Variants in ADGRG1 observed in about 807,000 individuals in gnomAD.
ADGRG1 encodes the protein 7-transmembrane protein with no EGF-like N-terminal domains-1.
Under a neutral mutation model 73.5 loss-of-function variants are expected in ADGRG1, and 53 were observed. The ratio of observed to expected loss-of-function variants is 0.72; its 90% CI spans 0.58 to 0.91. The LOEUF is 0.91. Ranked by LOEUF, ADGRG1 falls within the 40% of genes least tolerant of loss-of-function variation. The pLI, the probability that ADGRG1 is intolerant of heterozygous loss-of-function variation, is 0.00. For synonymous variants in ADGRG1, 394 were observed against 374.4 expected, an observed-to-expected ratio of 1.05 and a Z score of -0.60; for missense variants, 795 against 871.8, an observed-to-expected ratio of 0.91 and a Z score of 1.11.
chr16:57,640,675 G>A (rs951061962), intron 1 of ADGRG1, among the ~76,000 whole-genome samples: 13 of 152,160 alleles, frequency 8.5e-5, no homozygotes, highest in African/African-American at 2.7e-4. Flanking sequence ...AGTCAGGCTC[G>A]GGCCCCCAGC....
chr16:57,648,334 G>A (rs1288262051), intron 1 of ADGRG1: 1 of 405,352 alleles, frequency 2.5e-6, no homozygotes, highest in Admixed American at 6.4e-5. Context: ...GAATCAAAAT[G>A]CTTACAAATC....
intron 13 of ADGRG1, among the ~76,000 whole-genome samples, chr16:57,662,233 C>T (rs8049441): frequency 1.1e-4 from 17 of 152,040 alleles, no homozygotes; most frequent in East Asian, 5.8e-4. Context: ...GGGAAGACTG[C>T]GCATGAGCAG....
chr16:57,628,088 C>T (rs1348901826), upstream of ADGRG1: 40 of 985,144 alleles, frequency 4.1e-5, no homozygotes, highest in East Asian at 1.1e-4. Flanking sequence ...GCAGGTCAGC[C>T]GGTCAGTCGT....
At chr16:57,653,796 A>G in intron 4 of ADGRG1, 190 bp from the exon 5 acceptor site, 1 of 984,506 alleles carries the variant, frequency 1.0e-6, no homozygotes, top group Non-Finnish European at 1.2e-6. Context: ...TCTCTCCCAC[A>G]CGCAGATGCC....
At chr16:57,632,749 G>A in intron 1 of ADGRG1, 3 of 982,294 alleles carry the variant, frequency 3.1e-6, no homozygotes. Context: ...GTTCCAGGCA[G>A]AGATAAAAGC....
At position 57,664,143 on chromosome 16, in the gene ADGRG1, G is replaced by A. The variant is rs541332294; in HGVS notation, c.*561G>A. ...TTTGCCAGGAGCACAGCAGCAGCTC[G>A]CCTACCTCTGAGCCCAGGCCCCCTC... On this transcript the variant is annotated 3_prime_UTR_variant, in exon 14 of 14. Transcript: ENST00000562631. 254 of 157,892 alleles carry A rather than the reference G, an allele frequency of 1.6e-3. 1 individual carries two copies. The highest frequency in any genetic ancestry group is 5.9e-3 in the African/African-American group (244 of 41,584). 9.8% of individuals were successfully genotyped at this position (157,892 alleles called of 1,614,324 possible).
chr16:57,657,278 C>T (rs1473963787), intron 9 of ADGRG1, 95 bp from the exon 10 acceptor site: 15 of 1,590,824 alleles, frequency 9.4e-6, no homozygotes, highest in African/African-American at 1.3e-5. Context: ...CTTCCGAGGC[C>T]CACCAGGGAC....
rs1160044151 is a variant in ADGRG1, at chr16:57,635,965, C to T, written c.-36+7163C>T. On this transcript the variant is annotated intron_variant, in intron 1 of 13. Transcript: ENST00000562631. ...TTGTACGTGGCTCCCTGCCCTGCCC[C>T]AGCTCTGCCTCGTGAGTCTCTGCAG... 4.1e-6 allele frequency: 4 copies of T among 985,280 alleles called. No individual in the cohort carries two copies. In the African/African-American group the frequency reaches 7.0e-5, roughly 17 times the overall value. 61.0% of individuals were successfully genotyped at this position (985,280 alleles called of 1,614,324 possible). A position where few individuals can be genotyped will look rare whatever the true frequency, so the allele number is the denominator to read the frequency against.
chr16:57,639,373 CCAACGGTTGCCAGGG>C lies in ADGRG1; in HGVS notation c.-36+10587_-36+10601del, dbSNP rs587777312. On this transcript the variant is annotated intron_variant, in intron 1 of 13. Coordinates refer to ENST00000562631, the MANE Select transcript of ADGRG1 (RefSeq NM_201525.4). ...GGGTGTGACGTAGTCCCTGCAGCTG[CCAACGGTTGCCAGGG>C]CAACGGTTGCCAGGGGCTGCTGTCA... 6.2e-5 allele frequency: 61 copies of C among 985,316 alleles called. No homozygotes were observed. The highest frequency in any genetic ancestry group is 1.1e-4 in the East Asian group (1 of 8,810). 61.0% of individuals were successfully genotyped at this position (985,316 alleles called of 1,614,324 possible). A position where few individuals can be genotyped will look rare whatever the true frequency, so the allele number is the denominator to read the frequency against.
chr16:57,646,973 C>T (rs2042809905), intron 1 of ADGRG1: 1 of 979,632 alleles, frequency 1.0e-6, no homozygotes, highest in Non-Finnish European at 1.2e-6. Context: ...GGCTGAGGCC[C>T]TGTAGCGCTG....
intron 1 of ADGRG1, chr16:57,637,549 G>A (rs376449055): frequency 5.1e-6 from 5 of 985,418 alleles, no homozygotes; most frequent in South Asian, 4.7e-5. Flanking sequence ...CGCCTTCTCC[G>A]GCCAGCAAGC....
Position 57,651,386 on chromosome 16 carries a change from C to G in ADGRG1, c.251C>G (p.Pro84Arg). 1 of 1,614,176 alleles carries G rather than the reference C, an allele frequency of 6.2e-7. No homozygotes were observed. Among genetic ancestry groups the G allele is most frequent in the Non-Finnish European group, 8.5e-7 (1 of 1,179,992 alleles). The change falls in exon 3 of 14, where the codon CCC (proline) becomes CGC (arginine). Residue 84 changes from proline (P) to arginine (R), a missense_variant. By Grantham distance (103) the Pro-to-Arg change is moderately radical. Transcript: ENST00000562631. Reference protein sequence around the residue: ...AHPASRSFPDPRGLYHFCLYW... With the variant: ...AHPASRSFPDRRGLYHFCLYW... ...CCTGCTTCCCGATCCTTCCCTGACCCCAGGGGCCTCTACCACTTCTGCCTC... is the reference window on the plus strand; with the variant it reads ...CCTGCTTCCCGATCCTTCCCTGACCGCAGGGGCCTCTACCACTTCTGCCTC...
At chr16:57,637,539 C>T (rs955666714) in intron 1 of ADGRG1, 28 of 985,296 alleles carry the variant, frequency 2.8e-5, no homozygotes, top group Admixed American at 6.1e-5. Flanking sequence ...CAACAGAGGC[C>T]GCCTTCTCCG....
At chr16:57,644,299 G>T in intron 1 of ADGRG1, 2 of 609,484 alleles carry the variant, frequency 3.3e-6, no homozygotes, top group Non-Finnish European at 4.1e-6. Flanking sequence ...TCATGCTCAG[G>T]CACACACTCA....
chr16:57,644,647 C>T (rs1330479954), intron 1 of ADGRG1, among the ~76,000 whole-genome samples: 2 of 147,096 alleles, frequency 1.4e-5, no homozygotes, highest in Non-Finnish European at 3.0e-5. Context: ...CATGCATGGG[C>T]ACGCACACTC....
intron 1 of ADGRG1, chr16:57,636,154 G>A: frequency 2.0e-6 from 2 of 985,352 alleles, no homozygotes; most frequent in Non-Finnish European, 2.4e-6. Flanking sequence ...ACTTTTCTTT[G>A]CACATCTGCT....
rs776291167 is a variant in ADGRG1 at position 57,655,911 on chromosome 16, C to G, written c.936C>G (p.Val312=). 2 of 1,614,164 alleles carry G rather than the reference C, an allele frequency of 1.2e-6. No homozygotes were observed. Among genetic ancestry groups the G allele is most frequent in the South Asian group, 2.2e-5 (2 of 91,086 alleles). The change falls in exon 7 of 14, where the codon GTC becomes GTG. Residue 312 remains valine, a synonymous_variant. Coordinates refer to ENST00000562631, the MANE Select transcript of ADGRG1 (RefSeq NM_201525.4). Reference sequence around the variant, plus strand: ...CCAGCCAAGTCCTGGGTGAGAAGGTCTTGGGGATTGTGGTACAGAACACCA... The same window carrying G: ...CCAGCCAAGTCCTGGGTGAGAAGGTGTTGGGGATTGTGGTACAGAACACCA... ...KNSSQVLGEK[V]LGIVVQNTKV...
In ADGRG1 at chr16:57,634,444, A is replaced by G. The variant is rs1278976395; in HGVS notation, c.-36+5642A>G. On this transcript the variant is annotated intron_variant, in intron 1 of 13. Transcript: ENST00000562631. ...AGTTCAGGGGCGACTCACAGCCCAAACTTCCGCCCCTGGGGCATACACTTC... is the reference window on the plus strand; with the variant it reads ...AGTTCAGGGGCGACTCACAGCCCAAGCTTCCGCCCCTGGGGCATACACTTC... 4 of 985,288 alleles carry G rather than the reference A, an allele frequency of 4.1e-6. No homozygotes were observed. The African/African-American group carries it at 7.0e-5, about 17-fold the overall frequency. The allele number at this position is 985,288 out of a possible 1,614,324, so 61.0% of individuals were successfully genotyped here. A position where few individuals can be genotyped will look rare whatever the true frequency, so the allele number is the denominator to read the frequency against.
upstream of ADGRG1, chr16:57,627,637 C>T (rs898545484): frequency 2.8e-5 from 7 of 253,870 alleles, no homozygotes; most frequent in African/African-American, 1.2e-4. Flanking sequence ...CGGTGGTCAG[C>T]GAGTGTAATT....
Sources: gnomAD v4.1 joint callset for allele counts (sites outside exome capture counted in the v4.1 genomes callset) on GRCh38, gnomAD v4.1.1 for gene constraint, MANE v1.5 for transcripts, NCBI Gene and HGNC (gene_info 2026-07-23, HGNC 2026-07-21) for gene names.